The following ARAP1 variants were observed in gnomAD, a reference collection of about 807,000 sequenced individuals.
The protein encoded by ARAP1 is ArfGAP with RhoGAP domain, ankyrin repeat and PH domain 1.
A neutral mutation model predicts 172.2 loss-of-function variants in ARAP1; 76 were observed. That is an observed-to-expected ratio of 0.44 (90% CI 0.37 to 0.53). The LOEUF is 0.53. Among genes scored for constraint, ARAP1 ranks in the 20% least tolerant of loss-of-function variants. The pLI, the probability that ARAP1 is intolerant of heterozygous loss-of-function variation, is 0.00. For missense variants in ARAP1, 1,686 were observed against 1,977.5 expected, an observed-to-expected ratio of 0.85 and a Z score of 2.80; for synonymous variants, 804 against 803.3, an observed-to-expected ratio of 1.00 and a Z score of -0.01.
intron 1 of ARAP1, among the ~76,000 whole-genome samples, chr11:72,745,355 A>ATTTTTTT (rs35656290): frequency 5.4e-5 from 6 of 110,746 alleles, no homozygotes; most frequent in African/African-American, 7.0e-5. Context: ...CGTCCGGCTA[A>ATTTTTTT]TTTTTTTTTT....
At chr11:72,738,242 TAGAG>T (rs1347516615) in intron 1 of ARAP1, among the ~76,000 whole-genome samples, 2 of 152,140 alleles carry the variant, frequency 1.3e-5, no homozygotes, top group African/African-American at 4.8e-5. Flanking sequence ...AGAAGATGTT[TAGAG>T]AGAAAGGCTC....
At chr11:72,696,483 C>G in intron 23 of ARAP1, 66 bp downstream of exon 23, 3 of 1,343,896 alleles carry the variant, frequency 2.2e-6, no homozygotes, top group Non-Finnish European at 3.0e-6. Flanking sequence ...GGGTAGTCAG[C>G]CAGGGTGGGG....
chr11:72,688,645 C>T, intron 30 of ARAP1, 108 bp from the exon 31 acceptor site: 1 of 938,618 alleles, frequency 1.1e-6, no homozygotes, highest in South Asian at 1.5e-5. Context: ...CTCTTTGCAT[C>T]CCAGCACAGG....
At chr11:72,734,383 A>G (rs973172673) in intron 1 of ARAP1, among the ~76,000 whole-genome samples, 1 of 152,192 alleles carries the variant, frequency 6.6e-6, no homozygotes, top group Non-Finnish European at 1.5e-5. Context: ...GACCTCCCAA[A>G]GTGCTTAAGA....
At position 72,710,975 on chromosome 11, in the gene ARAP1, T is replaced by C. The variant is rs201771112; in HGVS notation, c.1213+46A>G. 40 of 1,611,598 alleles carry C rather than the reference T, an allele frequency of 2.5e-5. No individual in the cohort carries two copies. Among genetic ancestry groups the C allele is most frequent in the Middle Eastern group, 1.7e-4 (1 of 6,046 alleles). ...CCTCCTCTGCCCAAACTTCCAGTCT[T>C]CTCTACCCTCTTCTACACACACACA... is the stretch of plus-strand genomic sequence containing the variant. On this transcript the variant is annotated intron_variant, in intron 9 of 34. Coordinates refer to ENST00000393609, the MANE Select transcript of ARAP1 (RefSeq NM_001040118.3). This position sits in a 1 kb window ranked among gnomAD's most constrained non-coding sequence, Gnocchi z 4.3.
At chr11:72,692,238 GCT>G (rs1032822143) in intron 30 of ARAP1, among the ~76,000 whole-genome samples, 2 of 152,126 alleles carry the variant, frequency 1.3e-5, no homozygotes, top group South Asian at 2.1e-4. Flanking sequence ...GGAGGGATGA[GCT>G]CTCTCTCCTA....
At chr11:72,744,684 C>T (rs542900140) in intron 1 of ARAP1, among the ~76,000 whole-genome samples, 4 of 152,206 alleles carry the variant, frequency 2.6e-5, no homozygotes, top group African/African-American at 9.7e-5. Flanking sequence ...CTTGGAAGAA[C>T]TGGGGAGGGG....
At chr11:72,687,792 C>A in intron 31 of ARAP1, 54 bp from the exon 32 acceptor site, 1 of 1,599,230 alleles carries the variant, frequency 6.3e-7, no homozygotes, top group Non-Finnish European at 8.6e-7. Context: ...AGAGGCTCAA[C>A]ACCCCAGTTC....
At chr11:72,712,053 T>G in intron 7 of ARAP1, 143 bp downstream of exon 7, 1 of 1,183,540 alleles carries the variant, frequency 8.4e-7, no homozygotes, top group Non-Finnish European at 1.1e-6. Flanking sequence ...GTGGTCACAG[T>G]GTGCCTGGAG....
intron 1 of ARAP1, among the ~76,000 whole-genome samples, chr11:72,751,129 G>C (rs1469990838): frequency 6.6e-6 from 1 of 152,092 alleles, no homozygotes; most frequent in Admixed American, 6.5e-5. Flanking sequence ...CCGGTACTCT[G>C]CCTGGGACAC....
rs1591174255 is a variant in ARAP1 at position 72,693,251 on chromosome 11, A to G, written c.3954+74T>C. The G allele has an allele frequency of 1.9e-6, 3 of 1,556,322 alleles. No individual in the cohort carries two copies. The South Asian group carries it at 3.6e-5, about 18-fold the overall frequency. On this transcript the variant is annotated intron_variant, in intron 29 of 34. Coordinates refer to ENST00000393609, the MANE Select transcript of ARAP1 (RefSeq NM_001040118.3). This position sits in a 1 kb window ranked among gnomAD's most constrained non-coding sequence, Gnocchi z 4.6. ...GTAACGGGAATATTTCCACTTGCAG[A>G]CCAAGGGGAATCTCTGAGCACATTC... is the stretch of plus-strand genomic sequence containing the variant.
intron 14 of ARAP1, 192 bp from the exon 15 acceptor site, chr11:72,703,271 G>C: frequency 1.6e-6 from 1 of 615,640 alleles, no homozygotes; most frequent in Non-Finnish European, 2.6e-6. Context: ...GGGAGGAGGG[G>C]TGAGCAGGGG....
chr11:72,697,767 G>T, intron 19 of ARAP1, 118 bp from the exon 20 acceptor site: 2 of 1,519,038 alleles, frequency 1.3e-6, no homozygotes, highest in South Asian at 1.2e-5. Flanking sequence ...TGGGGTGGCT[G>T]AGATGCACCC....
chr11:72,690,867 G>A (rs78653613), intron 30 of ARAP1, among the ~76,000 whole-genome samples: 8,510 of 152,276 alleles, frequency 0.056, 774 homozygotes, highest in African/African-American at 0.2. Context: ...GGCACAAGTG[G>A]ACATATATCC....
At chr11:72,729,923 T>TAAA (rs11287535) in intron 2 of ARAP1, among the ~76,000 whole-genome samples, 1 of 134,658 alleles carries the variant, frequency 7.4e-6, no homozygotes, top group Admixed American at 7.4e-5. Context: ...AGACTGTCTC[T>TAAA]AAAAAAAAAA....
chr11:72,711,493 G>A lies in ARAP1; in HGVS notation c.1029C>T (p.Tyr343=), dbSNP rs772778727. ...GTCTCACCCATCGTTTCTGATAGATGTAAGATCTGGAGAGGGAGAGGGACA... is the reference window on the plus strand; with the variant it reads ...GTCTCACCCATCGTTTCTGATAGATATAAGATCTGGAGAGGGAGAGGGACA... ...WLDKNPPQGS[Y]IYQKRWVRLD... Residue 343 remains tyrosine (Y), a synonymous_variant, in exon 8 of 35, where the codon TAC becomes TAT. Coordinates refer to ENST00000393609, the MANE Select transcript of ARAP1 (RefSeq NM_001040118.3). 15 of 1,612,354 alleles carry A rather than the reference G, an allele frequency of 9.3e-6. No homozygotes were observed. The highest frequency in any genetic ancestry group is 4.0e-5 in the African/African-American group (3 of 74,876).
intron 3 of ARAP1, among the ~76,000 whole-genome samples, chr11:72,724,502 G>A (rs1193324512): frequency 6.6e-6 from 1 of 152,170 alleles, no homozygotes; most frequent in Admixed American, 6.5e-5. Flanking sequence ...GGGATCACAG[G>A]AAGGGACTGA....
rs1333107516 is a variant in ARAP1 at position 72,716,478 on chromosome 11, C to G, written c.510-2157G>C. On this transcript the variant is annotated intron_variant, in intron 3 of 34. Transcript: ENST00000393609. The stretch of plus-strand genomic sequence containing the variant: ...GTTACCAGGCAACCACTGCCTTTGG[C>G]AGCATGGCCTGTGGAGGAACAGCAT... Among the ~76,000 whole-genome samples, 6 of 152,384 alleles carry G rather than the reference C, an allele frequency of 3.9e-5. No homozygotes were observed. In the South Asian group the frequency reaches 1.0e-3, roughly 26 times the overall value.
At chr11:72,736,239 C>CATT (rs1858019771) in intron 1 of ARAP1, among the ~76,000 whole-genome samples, 1 of 132,380 alleles carries the variant, frequency 7.6e-6, no homozygotes. Flanking sequence ...TTTTAGTTAC[C>CATT]TTTTTTTTTT....
Sources: allele counts gnomAD v4.1 joint callset (sites outside exome capture counted in the v4.1 genomes callset), GRCh38; gene constraint gnomAD v4.1.1; non-coding constraint Gnocchi (gnomAD v3.1); transcripts MANE v1.5; gene names NCBI Gene and HGNC (gene_info 2026-07-23, HGNC 2026-07-21).